SNRK: variants seen among roughly 807,000 people sequenced by gnomAD.
SNRK encodes SNF related kinase.
SNRK carries 3 observed loss-of-function variants against 48.2 expected under a neutral mutation model. The observed-to-expected ratio is 0.06, with a 90% CI of 0.03 to 0.16. The LOEUF (loss-of-function observed/expected upper bound fraction) is 0.16, where lower values mean the gene tolerates loss of function less well. Among genes scored for constraint, SNRK ranks in the 10% least tolerant of loss-of-function variants. SNRK has a pLI of 1.00. For synonymous variants in SNRK, 376 were observed against 366.1 expected, an observed-to-expected ratio of 1.03 and a Z score of -0.31; for missense variants, 627 against 976.0, an observed-to-expected ratio of 0.64 and a Z score of 4.76.
Position 43,348,226 on chromosome 3 carries a change from C to T in SNRK, c.1967C>T (p.Ser656Phe). 6.2e-7 allele frequency: 1 copy of T among 1,612,712 alleles called. No individual in the cohort carries two copies. The highest frequency in any genetic ancestry group is 8.5e-7 in the Non-Finnish European group (1 of 1,179,364). ...SLKLMSLCLG[S>F]QLHGSTKYII... is the part of the protein sequence containing the mutation. ...AAACTCATGAGCCTCTGCCTCGGCT[C>T]CCAGCTTCATGGGAGCACCAAGTAC... Residue 656 changes from serine (S) to phenylalanine (F), a missense_variant, in exon 7 of 7, where the codon TCC becomes TTC. Around this residue, in one of 4 missense-constraint regions of SNRK, gnomAD observed 207 missense variants for 234.3 expected, o/e 0.88. Transcript: ENST00000296088.
chr3:43,327,045 T>G (rs1405266344), intron 3 of SNRK, among the ~76,000 whole-genome samples: 1 of 152,216 alleles, frequency 6.6e-6, no homozygotes, highest in Non-Finnish European at 1.5e-5. Context: ...TTAGTTCAGA[T>G]GATCTGACAG....
chr3:43,327,273 C>T (rs919613131), intron 3 of SNRK, among the ~76,000 whole-genome samples: 1 of 152,134 alleles, frequency 6.6e-6, no homozygotes, highest in African/African-American at 2.4e-5. Context: ...TATAGAACTC[C>T]TGGGACCTAC....
At chr3:43,338,671 T>C (rs1029630261) in intron 4 of SNRK, among the ~76,000 whole-genome samples, 10 of 152,230 alleles carry the variant, frequency 6.6e-5, no homozygotes, top group African/African-American at 2.4e-4. Flanking sequence ...AAAATTGTTT[T>C]GTATTTCCTA....
At chr3:43,307,217 T>C (rs1171182228) in intron 3 of SNRK, among the ~76,000 whole-genome samples, 1 of 152,190 alleles carries the variant, frequency 6.6e-6, no homozygotes, top group Non-Finnish European at 1.5e-5. Context: ...ATATTAAAAG[T>C]TTCTAATATA....
At chr3:43,339,857 ATATATATATATATATATGTT>A (rs2091221144) in intron 4 of SNRK, among the ~76,000 whole-genome samples, 2 of 64,920 alleles carry the variant, frequency 3.1e-5, no homozygotes, top group Non-Finnish European at 6.1e-5. Context: ...ATATATATAT[ATATATATATATATATATGTT>A]ACATGGTATT....
rs572851828 is a variant in SNRK at position 43,345,945 on chromosome 3, T to A, written c.1080-1394T>A. ...AGAAGGGCCTAGGCATTTAGAATTA[T>A]TTCTAATTGAGAACTCTTAGGACTG... is the stretch of plus-strand genomic sequence containing the variant. On this transcript the variant is annotated intron_variant, in intron 6 of 6. Coordinates refer to ENST00000296088, the MANE Select transcript of SNRK (RefSeq NM_017719.5). Among the ~76,000 whole-genome samples the A allele has an allele frequency of 3.3e-4, 51 of 152,340 alleles. 1 individual carries two copies. The highest frequency in any genetic ancestry group is 6.2e-4 in the South Asian group (3 of 4,826).
intron 3 of SNRK, among the ~76,000 whole-genome samples, chr3:43,324,727 A>AT (rs57108127): frequency 0.027 from 4,081 of 152,192 alleles, 189 homozygotes; most frequent in African/African-American, 0.091. Flanking sequence ...AGATATACTG[A>AT]TTTTTTTAAT....
At position 43,347,570 on chromosome 3, in the gene SNRK, T is replaced by C. The variant is rs1236370627; in HGVS notation, c.1311T>C (p.Ser437=). The C allele has an allele frequency of 1.2e-6, 2 of 1,613,934 alleles. No homozygotes were observed. The highest frequency in any genetic ancestry group is 1.7e-6 in the Non-Finnish European group (2 of 1,179,958). ...VPPASLKPTA[S]GRKCLFRVEE... The stretch of plus-strand genomic sequence containing the variant: ...CCGCAAGCTTAAAACCCACAGCCAG[T>C]GGGCGGAAGTGTCTGTTCAGGGTGG... The change falls in exon 7 of 7, where the codon AGT becomes AGC. Residue 437 remains serine, a synonymous_variant. Coordinates refer to ENST00000296088, the MANE Select transcript of SNRK (RefSeq NM_017719.5). The surrounding 1 kb of genome is among the most constrained non-coding windows in gnomAD (Gnocchi z 5.4).
At chr3:43,287,136 C>G (rs1041057207) in intron 1 of SNRK, among the ~76,000 whole-genome samples, 7 of 151,594 alleles carry the variant, frequency 4.6e-5, no homozygotes, top group African/African-American at 1.7e-4. Context: ...CTGTAGAAAT[C>G]CGGCCTCAGC....
In SNRK at chr3:43,348,371, A is replaced by G. The variant is rs1053127526; in HGVS notation, c.2112A>G (p.Ile704Met). ...NAGQVPAVGG[I>M]KFFSDHMADT... is the part of the protein sequence containing the mutation. ...GGCAGGTCCCTGCAGTGGGCGGCAT[A>G]AAGTTTTTCTCTGACCACATGGCAG... The change falls in exon 7 of 7, where the codon ATA (isoleucine) becomes ATG (methionine). Residue 704 changes from isoleucine to methionine, a missense_variant. This residue lies in a region of SNRK where 207 missense variants were observed against 234.3 expected (regional missense o/e 0.88). Transcript: ENST00000296088. 6.2e-7 allele frequency: 1 copy of G among 1,607,612 alleles called. No individual in the cohort carries two copies. Among genetic ancestry groups the G allele is most frequent in the South Asian group, 1.1e-5 (1 of 90,168 alleles).
At chr3:43,292,524 A>G (rs904839151) in intron 1 of SNRK, among the ~76,000 whole-genome samples, 3 of 152,242 alleles carry the variant, frequency 2.0e-5, no homozygotes, top group African/African-American at 4.8e-5. Context: ...TGCTTAAATG[A>G]TGAGCCAGTA....
chr3:43,314,344 A>G (rs1001082010), intron 3 of SNRK, among the ~76,000 whole-genome samples: 37 of 152,362 alleles, frequency 2.4e-4, no homozygotes, highest in Admixed American at 2.2e-3. Context: ...AAAAATTGCT[A>G]TCCCTGGTCT....
At chr3:43,313,733 A>G (rs2090995543) in intron 3 of SNRK, among the ~76,000 whole-genome samples, 1 of 152,228 alleles carries the variant, frequency 6.6e-6, no homozygotes, top group African/African-American at 2.4e-5. Flanking sequence ...TCAGTTTCCT[A>G]GTTTTGATAT....
intron 1 of SNRK, among the ~76,000 whole-genome samples, chr3:43,289,999 T>C (rs528968858): frequency 6.6e-6 from 1 of 152,338 alleles, no homozygotes; most frequent in Non-Finnish European, 1.5e-5. Flanking sequence ...TTGACTAATA[T>C]TTGCCTGGAC....
rs2090916119 is a variant in SNRK, at chr3:43,303,935, T to A, written c.589+143T>A. 3.2e-6 allele frequency: 2 copies of A among 622,788 alleles called. No homozygotes were observed. Among genetic ancestry groups the A allele is most frequent in the Admixed American group, 3.0e-5 (1 of 33,300 alleles). The allele number at this position is 622,788 out of a possible 1,614,324, so 38.6% of individuals were successfully genotyped here. ...CAAATTGGGTTTCATAAATGCCATA[T>A]ATGCCTAAAGCTGGCATTTCGTTTA... On this transcript the variant is annotated intron_variant, in intron 3 of 6. Coordinates refer to ENST00000296088, the MANE Select transcript of SNRK (RefSeq NM_017719.5). This position sits in a 1 kb window ranked among gnomAD's most constrained non-coding sequence, Gnocchi z 6.2.
At chr3:43,308,572 A>G (rs1261972665) in intron 3 of SNRK, among the ~76,000 whole-genome samples, 1 of 152,206 alleles carries the variant, frequency 6.6e-6, no homozygotes, top group Non-Finnish European at 1.5e-5. Flanking sequence ...CTGAATGACA[A>G]CACATCTGTT....
Position 43,347,842 on chromosome 3 carries a change from G to C in SNRK, c.1583G>C (p.Arg528Pro). The C allele has an allele frequency of 8.7e-6, 14 of 1,614,164 alleles. No homozygotes were observed. The highest frequency in any genetic ancestry group is 1.3e-5 in the African/African-American group (1 of 75,046). The stretch of plus-strand genomic sequence containing the variant: ...GGTACAGTTCACAAACGCTACCACC[G>C]GAGGAAAAGTCAGGGCCGGGGCTCC... ...SPGTVHKRYH[R>P]RKSQGRGSSC... is the part of the protein sequence containing the mutation. The change falls in exon 7 of 7, where the codon CGG (arginine) becomes CCG (proline). Residue 528 changes from arginine to proline, a missense_variant. Physicochemically the swap from Arg to Pro is moderately radical, Grantham distance 103. Transcript: ENST00000296088. The surrounding 1 kb of genome is among the most constrained non-coding windows in gnomAD (Gnocchi z 5.4).
intron 3 of SNRK, among the ~76,000 whole-genome samples, chr3:43,328,069 GT>G (rs1170497356): frequency 1.3e-5 from 2 of 151,642 alleles, no homozygotes; most frequent in Admixed American, 1.3e-4. Flanking sequence ...ACTTCAGATA[GT>G]TGTATCTATA....
intron 1 of SNRK, among the ~76,000 whole-genome samples, chr3:43,297,479 T>C (rs1185717624): frequency 6.6e-6 from 1 of 152,204 alleles, no homozygotes; most frequent in African/African-American, 2.4e-5. Context: ...TTTTTTAAAA[T>C]TGTGTCTGGC....
Sources: allele counts gnomAD v4.1 joint callset (sites outside exome capture counted in the v4.1 genomes callset), GRCh38; gene constraint gnomAD v4.1.1; regional missense constraint gnomAD v4.1.1; non-coding constraint Gnocchi (gnomAD v3.1); transcripts MANE v1.5; gene names NCBI Gene and HGNC (gene_info 2026-07-23, HGNC 2026-07-21).